KCND2: variants seen among roughly 807,000 people sequenced by gnomAD.
KCND2 encodes the protein potassium voltage-gated channel subfamily D member 2.
Under a neutral mutation model 54.4 loss-of-function variants are expected in KCND2, and 16 were observed. The observed-to-expected ratio is 0.29, with a 90% confidence interval of 0.20 to 0.45. The LOEUF (loss-of-function observed/expected upper bound fraction) is 0.45. KCND2 is among the 20% of genes least tolerant of loss of function. The pLI, the probability that KCND2 is intolerant of heterozygous loss-of-function variation, is 1.00. For synonymous variants in KCND2, 317 were observed against 310.7 expected, an observed-to-expected ratio of 1.02 and a Z score of -0.21; for missense variants, 486 against 824.2, an observed-to-expected ratio of 0.59 and a Z score of 5.02.
chr7:120,339,696 C>G (rs1002817657), intron 1 of KCND2, among the ~76,000 whole-genome samples: 1 of 152,152 alleles, frequency 6.6e-6, no homozygotes, highest in African/African-American at 2.4e-5. Context: ...CGCACATAGA[C>G]ATGTGCACAC....
chr7:120,444,410 TTA>T (rs776553078), intron 1 of KCND2, among the ~76,000 whole-genome samples: 4 of 152,146 alleles, frequency 2.6e-5, no homozygotes, highest in Non-Finnish European at 5.9e-5. Flanking sequence ...GTATATGGAC[TTA>T]GCTACCAGCT....
At chr7:120,380,970 A>G (rs1312183412) in intron 1 of KCND2, among the ~76,000 whole-genome samples, 3 of 152,110 alleles carry the variant, frequency 2.0e-5, no homozygotes, top group Admixed American at 1.3e-4. Flanking sequence ...CAAAACCAGC[A>G]AAGATTTAAA....
At chr7:120,357,866 C>A (rs1800528574) in intron 1 of KCND2, among the ~76,000 whole-genome samples, 1 of 152,018 alleles carries the variant, frequency 6.6e-6, no homozygotes, top group Non-Finnish European at 1.5e-5. Flanking sequence ...TTTATAACTT[C>A]ATTTGACTTT....
At chr7:120,357,100 A>AT (rs201004107) in intron 1 of KCND2, among the ~76,000 whole-genome samples, 1,593 of 151,988 alleles carry the variant, frequency 0.01, 12 homozygotes, top group Non-Finnish European at 0.016. Flanking sequence ...TTTCAGGTTA[A>AT]TTTTTTTTCA....
chr7:120,690,085 G>T (rs576069230), intron 1 of KCND2, among the ~76,000 whole-genome samples: 2 of 152,154 alleles, frequency 1.3e-5, no homozygotes, highest in South Asian at 4.2e-4. Context: ...TGTGATTCTG[G>T]TATTAGAAAA....
chr7:120,581,652 T>C (rs1376670501), intron 1 of KCND2, among the ~76,000 whole-genome samples: 1 of 152,144 alleles, frequency 6.6e-6, no homozygotes, highest in Non-Finnish European at 1.5e-5. Flanking sequence ...TATGTTCAAA[T>C]AAAGATTAGG....
chr7:120,735,768 CT>C (rs1354964512), intron 2 of KCND2, among the ~76,000 whole-genome samples: 1 of 151,870 alleles, frequency 6.6e-6, no homozygotes, highest in African/African-American at 2.4e-5. Flanking sequence ...AGTTTTACTA[CT>C]GAAAAAATTG....
chr7:120,572,018 T>C (rs1266879075), intron 1 of KCND2, among the ~76,000 whole-genome samples: 2 of 152,236 alleles, frequency 1.3e-5, no homozygotes, highest in African/African-American at 4.8e-5. Context: ...TTTATTTTCC[T>C]GGCTAATTCC....
chr7:120,594,440 C>G (rs1389974959), intron 1 of KCND2, among the ~76,000 whole-genome samples: 1 of 152,178 alleles, frequency 6.6e-6, no homozygotes, highest in Non-Finnish European at 1.5e-5. Flanking sequence ...GGTAAGGACC[C>G]TCTTTCATGT....
At chr7:120,303,020 C>T (rs1799607988) in intron 1 of KCND2, among the ~76,000 whole-genome samples, 1 of 152,160 alleles carries the variant, frequency 6.6e-6, no homozygotes, top group Non-Finnish European at 1.5e-5. Context: ...CTATCCTTTA[C>T]ACTTCACTTT....
chr7:120,364,039 G>A (rs1333135078), intron 1 of KCND2, among the ~76,000 whole-genome samples: 1 of 152,042 alleles, frequency 6.6e-6, no homozygotes, highest in African/African-American at 2.4e-5. Flanking sequence ...TGTCTGTTTT[G>A]TTTACTGATG....
chr7:120,579,564 T>C (rs898742764), intron 1 of KCND2, among the ~76,000 whole-genome samples: 1 of 150,940 alleles, frequency 6.6e-6, no homozygotes, highest in African/African-American at 2.4e-5. Flanking sequence ...ATCGCGCCAC[T>C]GCATTCCAGC....
At chr7:120,653,226 G>C (rs895312943) in intron 1 of KCND2, among the ~76,000 whole-genome samples, 2 of 138,114 alleles carry the variant, frequency 1.4e-5, no homozygotes, top group Non-Finnish European at 3.2e-5. Context: ...TTGTATTTTT[G>C]GTAGAGATGG....
At chr7:120,419,530 G>A (rs916015356) in intron 1 of KCND2, among the ~76,000 whole-genome samples, 3 of 152,052 alleles carry the variant, frequency 2.0e-5, no homozygotes, top group Admixed American at 6.6e-5. Flanking sequence ...ATATGAGACC[G>A]CTCTTGGTGC....
intron 1 of KCND2, among the ~76,000 whole-genome samples, chr7:120,343,751 A>G (rs1449325400): frequency 6.6e-6 from 1 of 152,188 alleles, no homozygotes; most frequent in Non-Finnish European, 1.5e-5. Flanking sequence ...TATAATACTA[A>G]GTTCTACAGT....
intron 1 of KCND2, among the ~76,000 whole-genome samples, chr7:120,562,454 T>A (rs1184838070): frequency 4.6e-5 from 7 of 152,228 alleles, no homozygotes; most frequent in African/African-American, 1.7e-4. Flanking sequence ...TATTCTGTGG[T>A]ATGTAGAAGC....
intron 1 of KCND2, among the ~76,000 whole-genome samples, chr7:120,651,537 G>A (rs1194293828): frequency 6.6e-6 from 1 of 152,182 alleles, no homozygotes; most frequent in Non-Finnish European, 1.5e-5. Context: ...GGCTAGGAAA[G>A]GGAATTCCCT....
intron 1 of KCND2, among the ~76,000 whole-genome samples, chr7:120,287,835 T>G (rs2116269149): frequency 6.6e-6 from 1 of 152,204 alleles, no homozygotes; most frequent in South Asian, 2.1e-4. Context: ...AGAGTGAAAC[T>G]ATGTCCCAAC....
intron 1 of KCND2, among the ~76,000 whole-genome samples, chr7:120,631,937 TATTC>T (rs1396099076): frequency 6.6e-6 from 1 of 152,174 alleles, no homozygotes; most frequent in Non-Finnish European, 1.5e-5. Context: ...TGTATTAATG[TATTC>T]AGTATGTTGT....
Sources: gnomAD v4.1 joint callset for allele counts (sites outside exome capture counted in the v4.1 genomes callset) on GRCh38, gnomAD v4.1.1 for gene constraint, MANE v1.5 for transcripts, NCBI Gene and HGNC (gene_info 2026-07-23, HGNC 2026-07-21) for gene names.